Variants in PTPN9 observed in about 807,000 individuals in gnomAD.
PTPN9 encodes the protein tyrosine-protein phosphatase non-receptor type 9.
In PTPN9, 26 loss-of-function variants were observed where a neutral mutation model predicts 69.8. That is an observed-to-expected ratio of 0.37 (90% CI 0.27 to 0.52). The LOEUF (loss-of-function observed/expected upper bound fraction) is 0.52. PTPN9 is among the 20% of genes least tolerant of loss of function. PTPN9 has a pLI of 0.91. For synonymous variants in PTPN9, 274 were observed against 272.5 expected, an observed-to-expected ratio of 1.01 and a Z score of -0.05; for missense variants, 549 against 740.3, an observed-to-expected ratio of 0.74 and a Z score of 3.00.
At chr15:75,503,831 G>T (rs1224755508) in intron 7 of PTPN9, among the ~76,000 whole-genome samples, 2 of 123,834 alleles carry the variant, frequency 1.6e-5, no homozygotes, top group African/African-American at 3.1e-5. Flanking sequence ...CGCCCGGCCA[G>T]CCGCCCCGTC....
At chr15:75,478,841 C>T (rs1443636312) in intron 9 of PTPN9, among the ~76,000 whole-genome samples, 2 of 152,190 alleles carry the variant, frequency 1.3e-5, no homozygotes, top group Non-Finnish European at 2.9e-5. Context: ...AGGTATCCAC[C>T]GTATCTTGCT....
At chr15:75,507,460 A>G (rs1013504714) in intron 6 of PTPN9, among the ~76,000 whole-genome samples, 2 of 151,056 alleles carry the variant, frequency 1.3e-5, no homozygotes, top group African/African-American at 2.4e-5. Flanking sequence ...AAAAAAAAAA[A>G]AAAAAGAAAG....
chr15:75,488,947 G>A (rs1044582471), intron 8 of PTPN9, among the ~76,000 whole-genome samples: 2 of 151,888 alleles, frequency 1.3e-5, no homozygotes, highest in African/African-American at 4.8e-5. Context: ...AGGCCGAGAC[G>A]GGCGGATCAC....
At chr15:75,558,400 G>A (rs188601357) in intron 1 of PTPN9, among the ~76,000 whole-genome samples, 12 of 151,746 alleles carry the variant, frequency 7.9e-5, no homozygotes, top group African/African-American at 1.7e-4. Context: ...CCAGCTACTC[G>A]GAAGGCTGAG....
At position 75,578,709 on chromosome 15, in the gene PTPN9, CT is replaced by C; in HGVS notation, c.63+4del. The C allele has an allele frequency of 7.3e-7, 1 of 1,371,342 alleles. No individual in the cohort carries two copies. The highest frequency in any genetic ancestry group is 9.4e-7 in the Non-Finnish European group (1 of 1,059,292). 84.9% of individuals were successfully genotyped at this position (1,371,342 alleles called of 1,614,324 possible). A position where few individuals can be genotyped will look rare whatever the true frequency, so the allele number is the denominator to read the frequency against. On this transcript the variant is annotated splice_donor_region_variant and intron_variant, in intron 1 of 12. Coordinates refer to ENST00000618819, the MANE Select transcript of PTPN9 (RefSeq NM_002833.4). ...ACCCAACGCGGCGGCCTCGGGCCCG[CT>C]TACCTGCTCCTCCTCCGGGGTCAGC...
At chr15:75,568,017 A>G (rs2075133845) in intron 1 of PTPN9, among the ~76,000 whole-genome samples, 1 of 151,662 alleles carries the variant, frequency 6.6e-6, no homozygotes, top group Non-Finnish European at 1.5e-5. Flanking sequence ...AAAAGAAAAC[A>G]AAAACTGAAA....
At chr15:75,488,226 A>G (rs2074689474) in intron 8 of PTPN9, among the ~76,000 whole-genome samples, 3 of 152,132 alleles carry the variant, frequency 2.0e-5, no homozygotes, top group Admixed American at 6.6e-5. Context: ...GGTTGCAGTG[A>G]GCTGAGATTG....
At chr15:75,536,469 T>A (rs971417809) in intron 1 of PTPN9, among the ~76,000 whole-genome samples, 1 of 152,176 alleles carries the variant, frequency 6.6e-6, no homozygotes, top group Admixed American at 6.5e-5. Context: ...ACTCTCTCTA[T>A]GGATATAAAA....
intron 7 of PTPN9, among the ~76,000 whole-genome samples, chr15:75,497,422 G>A (rs2074748746): frequency 6.6e-6 from 1 of 152,116 alleles, no homozygotes; most frequent in African/African-American, 2.4e-5. Context: ...AGCCCAGGAG[G>A]TTAAGGCTGC....
At chr15:75,547,058 G>T (rs1319977192) in intron 1 of PTPN9, among the ~76,000 whole-genome samples, 1 of 151,820 alleles carries the variant, frequency 6.6e-6, no homozygotes, top group African/African-American at 2.4e-5. Flanking sequence ...CACTTTGGGA[G>T]GCCTGGGTGG....
At chr15:75,509,654 T>A (rs2141313378) in intron 5 of PTPN9, among the ~76,000 whole-genome samples, 1 of 152,182 alleles carries the variant, frequency 6.6e-6, no homozygotes, top group East Asian at 1.9e-4. Context: ...GCCATTGCAC[T>A]TTACCCTGGG....
intron 8 of PTPN9, among the ~76,000 whole-genome samples, chr15:75,485,367 T>TC (rs1196217200): frequency 1.4e-5 from 2 of 140,722 alleles, no homozygotes; most frequent in Non-Finnish European, 3.1e-5. Flanking sequence ...TTTTTTTTTT[T>TC]TTTTTTTTTT....
At chr15:75,500,463 A>G (rs1444077850) in intron 7 of PTPN9, among the ~76,000 whole-genome samples, 2 of 151,988 alleles carry the variant, frequency 1.3e-5, no homozygotes, top group Non-Finnish European at 2.9e-5. Flanking sequence ...GCTTGAACCC[A>G]CAAGGCGGAG....
intron 1 of PTPN9, among the ~76,000 whole-genome samples, chr15:75,530,677 T>C: frequency 3.1e-5 from 1 of 31,988 alleles, no homozygotes; most frequent in Non-Finnish European, 4.3e-5. Context: ...CTATTATATA[T>C]ATTATTATAT....
chr15:75,578,649 G>C lies in PTPN9; in HGVS notation c.63+65C>G, dbSNP rs1017804582. 3.3e-6 allele frequency: 4 copies of C among 1,217,500 alleles called. No individual in the cohort carries two copies. In the African/African-American group the frequency reaches 6.4e-5, roughly 19 times the overall value. The allele number at this position is 1,217,500 out of a possible 1,614,324, so 75.4% of individuals were successfully genotyped here. On this transcript the variant is annotated intron_variant, in intron 1 of 12. Coordinates refer to ENST00000618819, the MANE Select transcript of PTPN9 (RefSeq NM_002833.4). ...GCTGCAAAGAGCCGGCACTCGGGAGGCAGAGGCCGGCGTAGGCCTCGGGGG... is the reference window on the plus strand; with the variant it reads ...GCTGCAAAGAGCCGGCACTCGGGAGCCAGAGGCCGGCGTAGGCCTCGGGGG...
chr15:75,475,115 A>C (rs2074588635), intron 9 of PTPN9, among the ~76,000 whole-genome samples: 1 of 152,090 alleles, frequency 6.6e-6, no homozygotes, highest in Non-Finnish European at 1.5e-5. Context: ...CCATTATTTT[A>C]CTTTGTGGGA....
chr15:75,537,735 C>T (rs1162763686), intron 1 of PTPN9, among the ~76,000 whole-genome samples: 2 of 54,076 alleles, frequency 3.7e-5, no homozygotes, highest in African/African-American at 1.7e-4. Context: ...AGCAGGGCAA[C>T]AGAGGGAGAC....
At chr15:75,512,734 G>C (rs1027554854) in intron 5 of PTPN9, 4 of 246,726 alleles carry the variant, frequency 1.6e-5, no homozygotes, top group African/African-American at 9.4e-5. Flanking sequence ...TTATTGTCTA[G>C]AAATATATAT....
chr15:75,479,285 C>T (rs374793298), intron 9 of PTPN9, among the ~76,000 whole-genome samples: 9 of 151,814 alleles, frequency 5.9e-5, no homozygotes, highest in South Asian at 2.1e-4. Flanking sequence ...ATAGCCTGGG[C>T]GACACAGCAA....
Sources: allele counts gnomAD v4.1 joint callset (sites outside exome capture counted in the v4.1 genomes callset), GRCh38; gene constraint gnomAD v4.1.1; transcripts MANE v1.5; gene names NCBI Gene and HGNC (gene_info 2026-07-23, HGNC 2026-07-21).